SLC34A1: variants seen among roughly 807,000 people sequenced by gnomAD.
SLC34A1 encodes the protein solute carrier family 34 member 1.
In SLC34A1, 57 loss-of-function variants were observed where a neutral mutation model predicts 51.4. The ratio of observed to expected loss-of-function variants is 1.11; its 90% CI spans 0.90 to 1.38. The LOEUF (loss-of-function observed/expected upper bound fraction) is 1.38, where lower values mean the gene tolerates loss of function less well. Among genes scored for constraint, SLC34A1 ranks in the 40% most tolerant of loss-of-function variants. The pLI, the probability that SLC34A1 is intolerant of heterozygous loss-of-function variation, is 0.00. For synonymous variants in SLC34A1, 368 were observed against 358.0 expected (o/e 1.03, Z -0.32); for missense variants, 796 against 835.6 (o/e 0.95, Z 0.58).
At chr5:177,394,534 C>T (rs1048249039) in intron 10 of SLC34A1, among the ~76,000 whole-genome samples, 8 of 152,166 alleles carry the variant, frequency 5.3e-5, no homozygotes, top group Non-Finnish European at 8.8e-5. Context: ...CCCTGAGGGG[C>T]TCACAGCCCA....
intron 1 of SLC34A1, among the ~76,000 whole-genome samples, chr5:177,385,438 GACTC>G (rs1762526286): frequency 6.6e-6 from 1 of 152,036 alleles, no homozygotes; most frequent in Non-Finnish European, 1.5e-5. Context: ...ACCCCTCCGA[GACTC>G]ACATGCAGGT....
Position 177,386,043 on chromosome 5 carries a change from G to A in SLC34A1, c.166G>A (p.Ala56Thr), listed in dbSNP as rs775697639. ...TGCCTTCCCCAGCCTGGGCCCTGTG[G>A]CCCTTGCTGAGCACACCTGCCCCTG... ...AYAFPSLGPV[A>T]LAEHTCPCGE... Residue 56 changes from alanine (A) to threonine (T), a missense_variant, in exon 3 of 13, where the codon GCC becomes ACC. Physicochemically the swap from Ala to Thr is moderately conservative, Grantham distance 58. Coordinates refer to ENST00000324417, the MANE Select transcript of SLC34A1 (RefSeq NM_003052.5). The surrounding 1 kb of genome is among the most constrained non-coding windows in gnomAD (Gnocchi z 4.8). 6.2e-7 allele frequency: 1 copy of A among 1,609,504 alleles called. No homozygotes were observed. Among genetic ancestry groups the A allele is most frequent in the Admixed American group, 1.7e-5 (1 of 59,776 alleles).
chr5:177,389,124 C>A (rs1762708288), intron 8 of SLC34A1, among the ~76,000 whole-genome samples: 1 of 152,166 alleles, frequency 6.6e-6, no homozygotes, highest in African/African-American at 2.4e-5. Context: ...CTGGGAAGAT[C>A]TGTTTGAATC....
rs1411770332 is a variant in SLC34A1 at position 177,387,879 on chromosome 5, G to T, written c.644+6G>T. The T allele has an allele frequency of 1.2e-6, 2 of 1,609,818 alleles. No individual in the cohort carries two copies. Among genetic ancestry groups the T allele is most frequent in the South Asian group, 1.1e-5 (1 of 90,978 alleles). ...GACAGGACTGACTTCCGGCGGTGAGGGGGGCTGGGGGTTGGGGGCTCGTGC... is the reference window on the plus strand; with the variant it reads ...GACAGGACTGACTTCCGGCGGTGAGTGGGGCTGGGGGTTGGGGGCTCGTGC... On this transcript the variant is annotated splice_donor_region_variant and intron_variant, in intron 6 of 12. Coordinates refer to ENST00000324417, the MANE Select transcript of SLC34A1 (RefSeq NM_003052.5).
At position 177,396,820 on chromosome 5, in the gene SLC34A1, T is replaced by G; in HGVS notation, c.1262T>G (p.Val421Gly). ...SMTFVVQSSS[V>G]FTSAITPLIG... The stretch of plus-strand genomic sequence containing the variant: ...ACCTTCGTGGTCCAGAGCAGTTCTG[T>G]GTTCACCTCGGCCATCACCCCACTC... The change falls in exon 11 of 13, where the codon GTG (valine) becomes GGG (glycine). Residue 421 changes from valine to glycine, a missense_variant. By Grantham distance (109) the Val-to-Gly change is moderately radical (BLOSUM62 -3). Transcript: ENST00000324417. The surrounding 1 kb of genome is among the most constrained non-coding windows in gnomAD (Gnocchi z 4.0). 1 of 1,614,206 alleles carries G rather than the reference T, an allele frequency of 6.2e-7. No individual in the cohort carries two copies. The highest frequency in any genetic ancestry group is 8.5e-7 in the Non-Finnish European group (1 of 1,180,038).
Position 177,391,014 on chromosome 5 carries a change from G to A in SLC34A1, c.936+2642G>A, listed in dbSNP as rs572940821. On this transcript the variant is annotated intron_variant, in intron 8 of 12. Coordinates refer to ENST00000324417, the MANE Select transcript of SLC34A1 (RefSeq NM_003052.5). ...CACAGCTGGGAACGGCTCAGCTGGG[G>A]TATGGGCCCAGGGCTGTCCACAGGC... is the stretch of plus-strand genomic sequence containing the variant. 1.8e-4 allele frequency among the ~76,000 whole-genome samples: 27 copies of A among 152,274 alleles called. No individual in the cohort carries two copies. The South Asian group carries it at 5.0e-3, about 28-fold the overall frequency.
At position 177,385,732 on chromosome 5, in the gene SLC34A1, G is replaced by A; in HGVS notation, c.-10G>A. 6.2e-7 allele frequency: 1 copy of A among 1,605,508 alleles called. No individual in the cohort carries two copies. Among genetic ancestry groups the A allele is most frequent in the Non-Finnish European group, 8.5e-7 (1 of 1,174,042 alleles). ...CCACTGACCTGCAGACCTCATAGTGGGTGCCCAGGATGTTGTCCTACGGAG... is the reference window on the plus strand; with the variant it reads ...CCACTGACCTGCAGACCTCATAGTGAGTGCCCAGGATGTTGTCCTACGGAG... On this transcript the variant is annotated 5_prime_UTR_variant, in exon 2 of 13. Transcript: ENST00000324417.
intron 8 of SLC34A1, chr5:177,390,163 C>A (rs1762753516): frequency 9.9e-7 from 1 of 1,011,916 alleles, no homozygotes; most frequent in Non-Finnish European, 1.2e-6. Context: ...CCATGCTGGA[C>A]CTGAACCAGC....
intron 8 of SLC34A1, among the ~76,000 whole-genome samples, chr5:177,393,420 G>T (rs1380789739): frequency 1.3e-5 from 2 of 152,250 alleles, no homozygotes; most frequent in African/African-American, 4.8e-5. Flanking sequence ...GGGAGGAAAA[G>T]AAAGACAGGA....
chr5:177,389,537 A>T, intron 8 of SLC34A1: 1 of 1,461,932 alleles, frequency 6.8e-7, no homozygotes, highest in South Asian at 1.3e-5. Context: ...GGCAGCTTTT[A>T]CGCTGACTTC....
chr5:177,385,023 G>C (rs377225111), intron 1 of SLC34A1, among the ~76,000 whole-genome samples: 24 of 152,332 alleles, frequency 1.6e-4, no homozygotes, highest in African/African-American at 4.6e-4. Flanking sequence ...CGGGGACAAG[G>C]GGGGGCTGAG....
chr5:177,397,999 G>A lies in SLC34A1; in HGVS notation c.1633G>A (p.Gly545Ser). The A allele has an allele frequency of 6.2e-7, 1 of 1,614,090 alleles. No individual in the cohort carries two copies. The highest frequency in any genetic ancestry group is 8.5e-7 in the Non-Finnish European group (1 of 1,180,012). The change falls in exon 13 of 13, where the codon GGC (glycine) becomes AGC (serine). Residue 545 changes from glycine (G) to serine (S), a missense_variant. By Grantham distance (56) the Gly-to-Ser change is moderately conservative. Coordinates refer to ENST00000324417, the MANE Select transcript of SLC34A1 (RefSeq NM_003052.5). ...AGGCTGGCAGGTCATGGTAGGTGTG[G>A]GCACGCCCTTCGGGGCCCTGCTGGC... ...MAGWQVMVGV[G>S]TPFGALLAFV...
rs778268709 is a variant in SLC34A1 at position 177,388,392 on chromosome 5, C to A, written c.936+20C>A. The A allele has an allele frequency of 3.9e-5, 62 of 1,591,850 alleles. No homozygotes were observed. In the East Asian group the frequency reaches 7.1e-4, roughly 18 times the overall value. ...TTACAGGTGAGTCCCAGGCCTAACCCCAGGTAAGAGGACTCCCTCTTCAGA... is the reference window on the plus strand; with the variant it reads ...TTACAGGTGAGTCCCAGGCCTAACCACAGGTAAGAGGACTCCCTCTTCAGA... On this transcript the variant is annotated intron_variant, in intron 8 of 12. Transcript: ENST00000324417. This position sits in a 1 kb window ranked among gnomAD's most constrained non-coding sequence, Gnocchi z 4.3.
rs916425146 is a variant in SLC34A1, at chr5:177,386,364, G to A, written c.388+15G>A. Reference sequence around the variant, plus strand: ...GCTGGCTGGAGGTAGGGCCCGGGTGGAGGAGACCTGGGAGGGGTTCCTGAA... The same window carrying A: ...GCTGGCTGGAGGTAGGGCCCGGGTGAAGGAGACCTGGGAGGGGTTCCTGAA... On this transcript the variant is annotated intron_variant, in intron 4 of 12. Transcript: ENST00000324417. The surrounding 1 kb of genome is among the most constrained non-coding windows in gnomAD (Gnocchi z 4.8). The A allele has an allele frequency of 6.2e-7, 1 of 1,614,248 alleles. No individual in the cohort carries two copies. The highest frequency in any genetic ancestry group is 8.5e-7 in the Non-Finnish European group (1 of 1,180,036).
rs1480191118 is a variant in SLC34A1, at chr5:177,386,352, A to G, written c.388+3A>G. 3 of 1,614,108 alleles carry G rather than the reference A, an allele frequency of 1.9e-6. No individual in the cohort carries two copies. The East Asian group carries it at 6.7e-5, about 36-fold the overall frequency. On this transcript the variant is annotated splice_donor_region_variant and intron_variant, in intron 4 of 12. Coordinates refer to ENST00000324417, the MANE Select transcript of SLC34A1 (RefSeq NM_003052.5). The surrounding 1 kb of genome is among the most constrained non-coding windows in gnomAD (Gnocchi z 4.8). The stretch of plus-strand genomic sequence containing the variant: ...CTCGGCCTTCCAGCTGGCTGGAGGT[A>G]GGGCCCGGGTGGAGGAGACCTGGGA...
At chr5:177,397,393 G>A (rs759842676) in intron 12 of SLC34A1, 30 of 486,328 alleles carry the variant, frequency 6.2e-5, no homozygotes, top group African/African-American at 1.4e-4. Context: ...GGTCAAGGCC[G>A]CAAATGGCAA....
Position 177,385,789 on chromosome 5 carries a change from C to A in SLC34A1, c.48C>A (p.Leu16=). Residue 16 remains leucine, a synonymous_variant, in exon 2 of 13, where the codon CTC becomes CTA. Transcript: ENST00000324417. The stretch of plus-strand genomic sequence containing the variant: ...TGGGGTCCCCTGCTGTCTCCCCACT[C>A]CCAGTCCGTGGGGGGCATGTGATGC... ...ERLGSPAVSP[L]PVRGGHVMRG... is the part of the protein sequence containing the mutation. The A allele has an allele frequency of 6.2e-7, 1 of 1,613,242 alleles. No individual in the cohort carries two copies. The highest frequency in any genetic ancestry group is 8.5e-7 in the Non-Finnish European group (1 of 1,179,862).
chr5:177,398,035 C>T lies in SLC34A1; in HGVS notation c.1669C>T (p.Leu557Phe). 3 of 1,614,130 alleles carry T rather than the reference C, an allele frequency of 1.9e-6. No individual in the cohort carries two copies. The highest frequency in any genetic ancestry group is 2.5e-6 in the Non-Finnish European group (3 of 1,180,020). Residue 557 changes from leucine (L) to phenylalanine (F), a missense_variant, in exon 13 of 13, where the codon CTC becomes TTC. By Grantham distance (22) the Leu-to-Phe change is conservative (BLOSUM62 0). Coordinates refer to ENST00000324417, the MANE Select transcript of SLC34A1 (RefSeq NM_003052.5). This position sits in a 1 kb window ranked among gnomAD's most constrained non-coding sequence, Gnocchi z 4.7. ...CGGGGCCCTGCTGGCCTTCGTGGTG[C>T]TCATCAATGTCCTGCAGAGTCGGAG... Reference protein sequence around the residue: ...PFGALLAFVVLINVLQSRSPG... With the variant: ...PFGALLAFVVFINVLQSRSPG...
Position 177,387,876 on chromosome 5 carries a change from G to A in SLC34A1, c.644+3G>A. ...GGGGACAGGACTGACTTCCGGCGGT[G>A]AGGGGGGCTGGGGGTTGGGGGCTCG... On this transcript the variant is annotated splice_donor_region_variant and intron_variant, in intron 6 of 12. Transcript: ENST00000324417. 1.2e-6 allele frequency: 2 copies of A among 1,610,588 alleles called. No homozygotes were observed. The highest frequency in any genetic ancestry group is 4.5e-5 in the East Asian group (2 of 44,830).
Sources: gnomAD v4.1 joint callset for allele counts (sites outside exome capture counted in the v4.1 genomes callset) on GRCh38, gnomAD v4.1.1 for gene constraint, Gnocchi (gnomAD v3.1) non-coding constraint, MANE v1.5 for transcripts, NCBI Gene and HGNC (gene_info 2026-07-23, HGNC 2026-07-21) for gene names.